Variants in NEO1 observed in about 807,000 individuals in gnomAD.
The protein encoded by NEO1 is neogenin.
A neutral mutation model predicts 159.7 loss-of-function variants in NEO1; 63 were observed. The observed-to-expected ratio is 0.39, with a 90% CI of 0.32 to 0.49. The LOEUF (loss-of-function observed/expected upper bound fraction) is 0.49, where lower values mean the gene tolerates loss of function less well. NEO1 is among the 20% of genes least tolerant of loss of function. The pLI is 0.85. For synonymous variants in NEO1, 633 were observed against 662.0 expected, an observed-to-expected ratio of 0.96 and a Z score of 0.67; for missense variants, 1,615 against 1,831.0, an observed-to-expected ratio of 0.88 and a Z score of 2.15.
intron 4 of NEO1, among the ~76,000 whole-genome samples, chr15:73,127,887 G>GT (rs1225390829): frequency 3.9e-5 from 6 of 152,194 alleles, no homozygotes; most frequent in African/African-American, 1.4e-4. Context: ...GTAGCCACAT[G>GT]TGACTAGTGG....
At chr15:73,299,966 GGTTT>G (rs1394555106) in intron 27 of NEO1, 1 of 152,146 alleles carries the variant, frequency 6.6e-6, no homozygotes, top group Non-Finnish European at 1.5e-5. Context: ...GTTTTTTAAA[GGTTT>G]GTTTGTAAAG....
intron 7 of NEO1, among the ~76,000 whole-genome samples, chr15:73,215,512 T>C (rs2037826250): frequency 6.6e-6 from 1 of 152,240 alleles, no homozygotes; most frequent in Non-Finnish European, 1.5e-5. Flanking sequence ...TTTTGTCAAA[T>C]GCTTTCTCTG....
At chr15:73,276,551 A>G (rs958918007) in intron 21 of NEO1, among the ~76,000 whole-genome samples, 1 of 152,236 alleles carries the variant, frequency 6.6e-6, no homozygotes, top group Non-Finnish European at 1.5e-5. Context: ...ATGTGTGGAC[A>G]ATGGAAAAAG....
At chr15:73,167,933 T>A (rs2034687025) in intron 5 of NEO1, among the ~76,000 whole-genome samples, 1 of 152,246 alleles carries the variant, frequency 6.6e-6, no homozygotes, top group African/African-American at 2.4e-5. Flanking sequence ...TACATCATCA[T>A]AAACATTTAA....
intron 4 of NEO1, among the ~76,000 whole-genome samples, chr15:73,134,045 A>T (rs1263970566): frequency 6.6e-6 from 1 of 152,164 alleles, no homozygotes; most frequent in Admixed American, 6.5e-5. Context: ...TACATTGCTG[A>T]TTTCTCATTT....
At chr15:73,182,957 A>G (rs1394147998) in intron 7 of NEO1, among the ~76,000 whole-genome samples, 1 of 152,200 alleles carries the variant, frequency 6.6e-6, no homozygotes, top group Non-Finnish European at 1.5e-5. Flanking sequence ...AGAGACGGCT[A>G]CTGTAAAAGT....
chr15:73,178,590 T>G (rs2035415039), intron 7 of NEO1, among the ~76,000 whole-genome samples, 163 bp downstream of exon 7: 1 of 152,120 alleles, frequency 6.6e-6, no homozygotes, highest in African/African-American at 2.4e-5. Flanking sequence ...TTACATAAAA[T>G]TACCTAGAAG....
At chr15:73,267,131 G>A (rs568813991) in intron 16 of NEO1, among the ~76,000 whole-genome samples, 2 of 152,202 alleles carry the variant, frequency 1.3e-5, no homozygotes, top group South Asian at 2.1e-4. Flanking sequence ...GGTGCTGGGC[G>A]CCTGTAGTCC....
intron 1 of NEO1, among the ~76,000 whole-genome samples, chr15:73,069,241 C>T (rs1387517658): frequency 6.7e-6 from 1 of 150,374 alleles, no homozygotes; most frequent in Non-Finnish European, 1.5e-5. Flanking sequence ...GGATTATAGG[C>T]ATGAGCCACT....
chr15:73,128,491 A>G (rs376140575), intron 4 of NEO1, among the ~76,000 whole-genome samples: 78 of 152,330 alleles, frequency 5.1e-4, no homozygotes, highest in African/African-American at 1.6e-3. Context: ...CATTTGTTCA[A>G]TAATTACTCA....
At chr15:73,231,173 GT>G (rs2038887425) in intron 7 of NEO1, among the ~76,000 whole-genome samples, 1 of 152,128 alleles carries the variant, frequency 6.6e-6, no homozygotes, top group African/African-American at 2.4e-5. Flanking sequence ...ATATAAAATA[GT>G]TAAATAACGC....
intron 1 of NEO1, among the ~76,000 whole-genome samples, chr15:73,075,799 T>C (rs1469114357): frequency 6.6e-6 from 1 of 152,176 alleles, no homozygotes; most frequent in Non-Finnish European, 1.5e-5. Flanking sequence ...TGTCAGAATT[T>C]GTGAATCATA....
At chr15:73,202,723 A>G (rs961624968) in intron 7 of NEO1, among the ~76,000 whole-genome samples, 6 of 152,200 alleles carry the variant, frequency 3.9e-5, no homozygotes, top group Non-Finnish European at 5.9e-5. Flanking sequence ...TTGTGCAGCT[A>G]TCACTGCTAT....
intron 7 of NEO1, among the ~76,000 whole-genome samples, chr15:73,214,846 T>C (rs541683409): frequency 3.9e-5 from 6 of 152,280 alleles, no homozygotes; most frequent in African/African-American, 9.6e-5. Flanking sequence ...GGGGATTGCA[T>C]TGAATTTGTA....
chr15:73,219,539 T>G (rs1363404761), intron 7 of NEO1, among the ~76,000 whole-genome samples: 12 of 127,824 alleles, frequency 9.4e-5, no homozygotes, highest in African/African-American at 2.3e-4. Flanking sequence ...AGTCTCCCAT[T>G]ATTAATGTGT....
At chr15:73,209,041 T>C (rs959641491) in intron 7 of NEO1, among the ~76,000 whole-genome samples, 1 of 152,248 alleles carries the variant, frequency 6.6e-6, no homozygotes, top group Non-Finnish European at 1.5e-5. Flanking sequence ...GATAAGTGGA[T>C]GCTAATTCTG....
At chr15:73,171,003 G>GAA (rs368313842) in intron 5 of NEO1, among the ~76,000 whole-genome samples, 5 of 138,758 alleles carry the variant, frequency 3.6e-5, no homozygotes, top group African/African-American at 1.1e-4. Context: ...AGTCTCGGGG[G>GAA]AAAAAAAAAA....
At chr15:73,255,743 T>G (rs967557363) in intron 13 of NEO1, 6 of 152,296 alleles carry the variant, frequency 3.9e-5, no homozygotes, top group African/African-American at 1.4e-4. Context: ...ACCATCACCC[T>G]ACCTCTGTCC....
intron 5 of NEO1, among the ~76,000 whole-genome samples, chr15:73,137,195 C>T (rs1223354321): frequency 1.3e-5 from 2 of 152,068 alleles, no homozygotes; most frequent in Admixed American, 6.5e-5. Context: ...TACAATTACT[C>T]TCAGATTGGC....
Sources: allele counts gnomAD v4.1 joint callset (sites outside exome capture counted in the v4.1 genomes callset), GRCh38; gene constraint gnomAD v4.1.1; transcripts MANE v1.5; gene names NCBI Gene and HGNC (gene_info 2026-07-23, HGNC 2026-07-21).